Variants in PUDP observed in about 807,000 individuals in gnomAD.
PUDP encodes pseudouridine 5'-phosphatase.
In PUDP, 8 loss-of-function variants were observed where a neutral mutation model predicts 9.4. The ratio of observed to expected loss-of-function variants is 0.85; its 90% confidence interval spans 0.50 to 1.53. The LOEUF is 1.53. Ranked by LOEUF, PUDP falls within the 40% of genes most tolerant of loss-of-function variation. The pLI is 0.00. For missense variants in PUDP, 188 were observed against 189.7 expected (o/e 0.99, Z 0.05); for synonymous variants, 99 against 80.7 (o/e 1.23, Z -1.22).
At chrX:6,813,099 C>T (rs994014678) in intron 3 of PUDP, among the ~76,000 whole-genome samples, 3 of 95,519 alleles carry the variant, frequency 3.1e-5, no homozygotes, top group African/African-American at 7.9e-5. Flanking sequence ...GTCTTGAAAG[C>T]AAGAAAGAGA....
intron 3 of PUDP, among the ~76,000 whole-genome samples, chrX:6,783,788 A>G (rs980169028): frequency 8.9e-6 from 1 of 111,782 alleles, no homozygotes; most frequent in African/African-American, 3.3e-5. Context: ...TGGCTCATGC[A>G]GTTGTAGAGG....
intron 3 of PUDP, among the ~76,000 whole-genome samples, chrX:6,964,152 A>C (rs913040237): frequency 5.3e-5 from 6 of 112,236 alleles, no homozygotes; most frequent in Admixed American, 4.7e-4. Flanking sequence ...TGCATAATAC[A>C]AATAGCAAGT....
At chrX:6,817,347 A>G (rs980820978) in intron 3 of PUDP, among the ~76,000 whole-genome samples, 4 of 111,429 alleles carry the variant, frequency 3.6e-5, no homozygotes, top group African/African-American at 9.8e-5. Flanking sequence ...TGCTGGGATT[A>G]CAGGCACCAG....
At chrX:6,892,538 C>T in intron 3 of PUDP, among the ~76,000 whole-genome samples, 1 of 110,584 alleles carries the variant, frequency 9.0e-6, no homozygotes, top group East Asian at 2.9e-4. Flanking sequence ...ATCATGAGAA[C>T]AACACAGGAA....
intron 3 of PUDP, among the ~76,000 whole-genome samples, chrX:6,781,425 T>C (rs1388948174): frequency 2.7e-5 from 3 of 111,781 alleles, no homozygotes; most frequent in African/African-American, 9.8e-5. Context: ...TAAAGTTACA[T>C]GCAACTTCTC....
At position 6,733,770 on chromosome X, in the gene PUDP, C is replaced by CTTTTTTTTTT. The variant is rs3046297; in HGVS notation, c.*248-27314_*248-27305dup. 9.1e-4 allele frequency among the ~76,000 whole-genome samples: 42 copies of CTTTTTTTTTT among 46,251 alleles called. 1 individual carries two copies. Among genetic ancestry groups the CTTTTTTTTTT allele is most frequent in the East Asian group, 2.2e-3 (3 of 1,350 alleles). The allele number at this position is 46,251 out of a possible 115,157, so 40.2% of individuals were successfully genotyped here. A position where few individuals can be genotyped will look rare whatever the true frequency, so the allele number is the denominator to read the frequency against. ...ACTCGGAGCTGCCCTAAAGCAAAGC[C>CTTTTTTTTTT]TTTTTTTTTTTTTTTTTTTTTTTTT... On this transcript the variant is annotated intron_variant and NMD_transcript_variant, in intron 3 of 3. Transcript: ENST00000655425.
intron 3 of PUDP, among the ~76,000 whole-genome samples, chrX:6,866,271 A>G (rs1372930827): frequency 6.6e-5 from 6 of 90,671 alleles, no homozygotes; most frequent in Non-Finnish European, 1.1e-4. Flanking sequence ...TTTTTTTTGT[A>G]TTACTTACAT....
chrX:7,034,611 T>C (rs1569143210), intron 1 of PUDP, among the ~76,000 whole-genome samples: 1 of 112,118 alleles, frequency 8.9e-6, no homozygotes, highest in Non-Finnish European at 1.9e-5. Flanking sequence ...TCTATGTATG[T>C]ATGTATATAT....
chrX:6,900,561 G>T (rs1569119733), intron 3 of PUDP, among the ~76,000 whole-genome samples: 2 of 108,041 alleles, frequency 1.9e-5, no homozygotes, highest in African/African-American at 6.8e-5. Flanking sequence ...GAGAGGGAGA[G>T]AAGGAGAGAG....
intron 1 of PUDP, among the ~76,000 whole-genome samples, chrX:7,113,974 G>C (rs1439602660): frequency 9.0e-6 from 1 of 111,597 alleles, no homozygotes; most frequent in Non-Finnish European, 1.9e-5. Flanking sequence ...CCTTCTTGCT[G>C]GTGGGGACTC....
chrX:6,776,487 C>T (rs1450460678), intron 3 of PUDP, among the ~76,000 whole-genome samples: 4 of 111,158 alleles, frequency 3.6e-5, no homozygotes, highest in Non-Finnish European at 7.5e-5. Context: ...GCCAAGATTG[C>T]GCCACTACAC....
upstream of PUDP, among the ~76,000 whole-genome samples, chrX:6,723,862 G>A (rs1484696244): frequency 9.0e-6 from 1 of 111,629 alleles, no homozygotes; most frequent in East Asian, 2.8e-4. Context: ...GAAAATTGAA[G>A]CTTCAGTAAA....
At chrX:6,937,018 A>C (rs368979704) in intron 3 of PUDP, among the ~76,000 whole-genome samples, 1 of 103,543 alleles carries the variant, frequency 9.7e-6, no homozygotes, top group South Asian at 4.8e-4. Context: ...CATGCTCATG[A>C]GTAGGAAGAA....
intron 3 of PUDP, among the ~76,000 whole-genome samples, chrX:6,976,012 G>T (rs1007823975): frequency 8.9e-6 from 1 of 111,931 alleles, no homozygotes; most frequent in African/African-American, 3.2e-5. Context: ...GGGGAAAACC[G>T]CCTACTCAAG....
chrX:6,971,306 G>A (rs1275451912), intron 3 of PUDP, among the ~76,000 whole-genome samples: 2 of 111,506 alleles, frequency 1.8e-5, no homozygotes, highest in African/African-American at 3.3e-5. Context: ...TTGAAGTCAG[G>A]TAGCGTGATG....
intron 3 of PUDP, among the ~76,000 whole-genome samples, chrX:6,902,703 G>C (rs1927708718): frequency 1.8e-5 from 2 of 111,562 alleles, no homozygotes. Context: ...GGTCTGGCTG[G>C]TGCCATCACT....
At chrX:6,877,081 C>G in intron 3 of PUDP, among the ~76,000 whole-genome samples, 1 of 109,788 alleles carries the variant, frequency 9.1e-6, no homozygotes, top group East Asian at 3.0e-4. Flanking sequence ...GTGATCCTCC[C>G]GAGTAGCTGG....
intron 3 of PUDP, among the ~76,000 whole-genome samples, chrX:6,774,670 T>C (rs901234142): frequency 2.7e-5 from 3 of 112,175 alleles, no homozygotes; most frequent in African/African-American, 9.7e-5. Flanking sequence ...GTAGGGTTGC[T>C]GTGGCTGGTT....
chrX:6,746,612 T>C (rs113640545), intron 3 of PUDP, among the ~76,000 whole-genome samples: 6,535 of 109,172 alleles, frequency 0.06, 192 homozygotes, highest in African/African-American at 0.1. Context: ...TTCCTTTCCC[T>C]GTGTCCATGT....
Sources: gnomAD v4.1 joint callset for allele counts (sites outside exome capture counted in the v4.1 genomes callset) on GRCh38, gnomAD v4.1.1 for gene constraint, MANE v1.5 for transcripts, NCBI Gene and HGNC (gene_info 2026-07-23, HGNC 2026-07-21) for gene names.